The following NUDCD1 variants were observed in gnomAD, a reference collection of about 807,000 sequenced individuals.
The protein encoded by NUDCD1 is NudC domain containing 1, also known as nudC domain-containing protein 1.
Under a neutral mutation model 67.8 loss-of-function variants are expected in NUDCD1, and 60 were observed. The ratio of observed to expected loss-of-function variants is 0.88; its 90% CI spans 0.72 to 1.10. The LOEUF is 1.10. Among genes scored for constraint, NUDCD1 ranks in the 50% least tolerant of loss-of-function variants. The pLI, the probability that NUDCD1 is intolerant of heterozygous loss-of-function variation, is 0.00. For missense variants in NUDCD1, 643 were observed against 695.0 expected (o/e 0.93, Z 0.84); for synonymous variants, 244 against 230.8 (o/e 1.06, Z -0.52).
rs370776638 is a variant in NUDCD1, at chr8:109,296,359, G to A, written c.459+25C>T. 5.1e-5 allele frequency: 81 copies of A among 1,588,800 alleles called. 1 individual carries two copies. Among genetic ancestry groups the A allele is most frequent in the South Asian group, 1.1e-4 (10 of 89,544 alleles). On this transcript the variant is annotated intron_variant, in intron 3 of 9. Transcript: ENST00000239690. ...AATTTACATATACTTTCTGGACTTC[G>A]CATAAGTCTTAAACAAACCCTCACC...
At chr8:109,268,561 C>CT (rs1354949170) in intron 8 of NUDCD1, among the ~76,000 whole-genome samples, 11 of 152,128 alleles carry the variant, frequency 7.2e-5, no homozygotes, top group African/African-American at 2.7e-4. Context: ...ATCAACAATA[C>CT]TTAGGAGTAC....
chr8:109,278,413 TTTAA>T (rs1327009801), intron 6 of NUDCD1, among the ~76,000 whole-genome samples: 32 of 152,298 alleles, frequency 2.1e-4, no homozygotes, highest in Admixed American at 1.4e-3. Context: ...GTTTTGCTCC[TTTAA>T]TTGAGGTGTA....
intron 3 of NUDCD1, among the ~76,000 whole-genome samples, chr8:109,294,432 A>C (rs1814790692): frequency 6.6e-6 from 1 of 152,060 alleles, no homozygotes. Context: ...AAAGCTTAAA[A>C]AAAATCCTTA....
At chr8:109,266,018 T>C (rs1813983804) in intron 8 of NUDCD1, among the ~76,000 whole-genome samples, 2 of 151,884 alleles carry the variant, frequency 1.3e-5, no homozygotes, top group African/African-American at 2.4e-5. Flanking sequence ...CACCTTCTGG[T>C]CATTCAAGTC....
chr8:109,258,173 C>T (rs1813781953), intron 8 of NUDCD1, among the ~76,000 whole-genome samples: 1 of 152,028 alleles, frequency 6.6e-6, no homozygotes, highest in Non-Finnish European at 1.5e-5. Flanking sequence ...ATTTCATATG[C>T]AGCCCATCTG....
In NUDCD1 at chr8:109,289,739, A is replaced by G; in HGVS notation, c.823+12T>C. 2 of 1,307,970 alleles carry G rather than the reference A, an allele frequency of 1.5e-6. No individual in the cohort carries two copies. Among genetic ancestry groups the G allele is most frequent in the Admixed American group, 2.0e-5 (1 of 50,448 alleles). The allele number at this position is 1,307,970 out of a possible 1,614,324, so 81.0% of individuals were successfully genotyped here. On this transcript the variant is annotated intron_variant, in intron 5 of 9. Coordinates refer to ENST00000239690, the MANE Select transcript of NUDCD1 (RefSeq NM_032869.4). ...GAAAATACCAATAAGCTCTATTAAG[A>G]ATAAAAATTACCTTTGATTTTCTCT...
rs568926283 is a variant in NUDCD1, at chr8:109,291,244, C to A, written c.641-1311G>T. ...GATCACTGCTCACTGTAGCCTCAAACTCCCAGGCTCAAGCAATCCTCCTGA... is the reference window on the plus strand; with the variant it reads ...GATCACTGCTCACTGTAGCCTCAAAATCCCAGGCTCAAGCAATCCTCCTGA... On this transcript the variant is annotated intron_variant, in intron 4 of 9. Coordinates refer to ENST00000239690, the MANE Select transcript of NUDCD1 (RefSeq NM_032869.4). Among the ~76,000 whole-genome samples, 18 of 152,278 alleles carry A rather than the reference C, an allele frequency of 1.2e-4. 1 individual carries two copies. The East Asian group carries it at 3.1e-3, about 26-fold the overall frequency.
rs1382416356 is a variant in NUDCD1 at position 109,289,824 on chromosome 8, C to A, written c.750G>T (p.Lys250Asn). 1.3e-6 allele frequency: 2 copies of A among 1,563,866 alleles called. No individual in the cohort carries two copies. Among genetic ancestry groups the A allele is most frequent in the African/African-American group, 2.8e-5 (2 of 72,496 alleles). The change falls in exon 5 of 10, where the codon AAG becomes AAT. Residue 250 changes from lysine (K) to asparagine (N), a missense_variant. By Grantham distance (94) the Lys-to-Asn change is moderately conservative. Coordinates refer to ENST00000239690, the MANE Select transcript of NUDCD1 (RefSeq NM_032869.4). ...GACCAGCCTGAACAAATGTTAAAGACTTGTAGGATACAATCATTAGACCAT... is the reference window on the plus strand; with the variant it reads ...GACCAGCCTGAACAAATGTTAAAGAATTGTAGGATACAATCATTAGACCAT... ...DGNGLMIVSY[K>N]SLTFVQAGQD...
chr8:109,257,899 C>A (rs1813775270), intron 8 of NUDCD1, among the ~76,000 whole-genome samples: 1 of 152,084 alleles, frequency 6.6e-6, no homozygotes, highest in Non-Finnish European at 1.5e-5. Context: ...CCCACTGAGT[C>A]TTGCAGATAA....
At chr8:109,282,882 T>C (rs1356279119) in intron 5 of NUDCD1, among the ~76,000 whole-genome samples, 3 of 146,528 alleles carry the variant, frequency 2.0e-5, no homozygotes, top group Non-Finnish European at 4.5e-5. Context: ...TCTGGCACCA[T>C]AAAAAAAATC....
At chr8:109,245,617 C>A in intron 8 of NUDCD1, 136 bp from the exon 9 acceptor site, 1 of 612,202 alleles carries the variant, frequency 1.6e-6, no homozygotes, top group Non-Finnish European at 2.8e-6. Context: ...TGATTGACTC[C>A]TCATAATATC....
Position 109,243,252 on chromosome 8 carries a change from T to G in NUDCD1, c.1509A>C (p.Pro503=). ...KRDKKFFACA[P]NYSYAALCEC... ...CACAAAGGGCTGCATACGAGTAATT[T>G]GGAGCACAGGCAAAAAATTTTTTGT... Residue 503 remains proline, a synonymous_variant, in exon 10 of 10, where the codon CCA becomes CCC. Coordinates refer to ENST00000239690, the MANE Select transcript of NUDCD1 (RefSeq NM_032869.4). 6.2e-7 allele frequency: 1 copy of G among 1,607,076 alleles called. No individual in the cohort carries two copies. The highest frequency in any genetic ancestry group is 8.5e-7 in the Non-Finnish European group (1 of 1,174,900).
chr8:109,270,945 C>T, intron 8 of NUDCD1, 60 bp downstream of exon 8: 1 of 1,103,458 alleles, frequency 9.1e-7, no homozygotes, highest in Non-Finnish European at 1.3e-6. Context: ...CATATTTAGA[C>T]CAATCATTAT....
intron 5 of NUDCD1, among the ~76,000 whole-genome samples, chr8:109,288,624 T>G (rs1814627593): frequency 6.6e-6 from 1 of 152,234 alleles, no homozygotes; most frequent in African/African-American, 2.4e-5. Context: ...ATATATTACA[T>G]TAATATTCAT....
chr8:109,291,936 G>A (rs1319759898), intron 4 of NUDCD1, among the ~76,000 whole-genome samples: 2 of 152,040 alleles, frequency 1.3e-5, no homozygotes, highest in Non-Finnish European at 2.9e-5. Flanking sequence ...TTTGAATTAC[G>A]TACCTTAAAA....
intron 4 of NUDCD1, among the ~76,000 whole-genome samples, chr8:109,293,073 T>C (rs983651621): frequency 2.2e-4 from 34 of 152,082 alleles, no homozygotes; most frequent in African/African-American, 8.0e-4. Flanking sequence ...ATATTAAAAA[T>C]ATACCCGTTA....
In NUDCD1 at chr8:109,324,862, G is replaced by A. The variant is rs1262826814; in HGVS notation, c.119-2399C>T. Among the ~76,000 whole-genome samples the A allele has an allele frequency of 3.9e-5, 6 of 152,238 alleles. No homozygotes were observed. The South Asian group carries it at 6.2e-4, about 16-fold the overall frequency. On this transcript the variant is annotated intron_variant, in intron 1 of 9. Coordinates refer to ENST00000239690, the MANE Select transcript of NUDCD1 (RefSeq NM_032869.4). ...AGCACTTTGGGAGGCCAAGGCGGGC[G>A]GATCACGAGGTCAGGAGATTGAGAC...
chr8:109,271,589 G>T (rs1237796413), intron 7 of NUDCD1, among the ~76,000 whole-genome samples: 1 of 152,070 alleles, frequency 6.6e-6, no homozygotes, highest in South Asian at 2.1e-4. Flanking sequence ...AATATCAAAT[G>T]GTCTAGCATA....
chr8:109,320,433 G>C (rs1468283164), intron 2 of NUDCD1, among the ~76,000 whole-genome samples: 5 of 152,198 alleles, frequency 3.3e-5, no homozygotes, highest in Non-Finnish European at 2.9e-5. Context: ...ATATGGCTCT[G>C]TTCCGCCCAG....
Sources: allele counts gnomAD v4.1 joint callset (sites outside exome capture counted in the v4.1 genomes callset), GRCh38; gene constraint gnomAD v4.1.1; transcripts MANE v1.5; gene names NCBI Gene and HGNC (gene_info 2026-07-23, HGNC 2026-07-21).